Variants in ZNF536 observed in about 807,000 individuals in gnomAD.
ZNF536 encodes zinc finger protein 536.
Under a neutral mutation model 84.5 loss-of-function variants are expected in ZNF536, and 13 were observed. The ratio of observed to expected loss-of-function variants is 0.15; its 90% CI spans 0.10 to 0.24. The LOEUF is 0.24. ZNF536 is among the 10% of genes least tolerant of loss of function. The pLI is 1.00. For missense variants in ZNF536, 1,536 were observed against 1,747.5 expected (o/e 0.88, Z 2.16); for synonymous variants, 811 against 742.5 (o/e 1.09, Z -1.50).
chr19:30,420,930 G>T (rs2050929188), intron 1 of ZNF536, among the ~76,000 whole-genome samples: 1 of 152,164 alleles, frequency 6.6e-6, no homozygotes, highest in Non-Finnish European at 1.5e-5. Context: ...CGAATGCTTG[G>T]TTTGCATGTG....
Position 30,647,793 on chromosome 19 carries a change from G to T in ZNF536, c.170-62964G>T, listed in dbSNP as rs569083055. Reference sequence around the variant, plus strand: ...ACCAACTTTTAATCTGGGGCAGGGAGTGCTGACCCTTTGCTAGCGAAACTG... The same window carrying T: ...ACCAACTTTTAATCTGGGGCAGGGATTGCTGACCCTTTGCTAGCGAAACTG... On this transcript the variant is annotated intron_variant, in intron 1 of 1. Transcript: ENST00000592773. 3.3e-5 allele frequency among the ~76,000 whole-genome samples: 5 copies of T among 152,144 alleles called. No homozygotes were observed. In the East Asian group the frequency reaches 9.6e-4, roughly 29 times the overall value.
At chr19:30,700,172 C>CTTCTTTCTTTTCTTTCT (rs1454487076) in intron 1 of ZNF536, among the ~76,000 whole-genome samples, 8 of 139,608 alleles carry the variant, frequency 5.7e-5, no homozygotes, top group South Asian at 4.6e-4. Flanking sequence ...CTTTTCTTTC[C>CTTCTTTCTTTTCTTTCT]TTCTTTCTTT....
At chr19:30,452,165 T>G (rs2052637192) in intron 2 of ZNF536, among the ~76,000 whole-genome samples, 1 of 152,182 alleles carries the variant, frequency 6.6e-6, no homozygotes, top group African/African-American at 2.4e-5. Context: ...ATGCTTACCA[T>G]GCACTCAGGT....
At chr19:30,449,214 C>T (rs889830816) in intron 2 of ZNF536, among the ~76,000 whole-genome samples, 15 of 152,216 alleles carry the variant, frequency 9.9e-5, no homozygotes, top group Admixed American at 3.3e-4. Flanking sequence ...AATTTCACAC[C>T]GTGGTCAATG....
intron 2 of ZNF536, among the ~76,000 whole-genome samples, chr19:30,485,268 G>A (rs936864215): frequency 4.6e-5 from 7 of 152,112 alleles, no homozygotes; most frequent in Non-Finnish European, 8.8e-5. Context: ...TTTCCTTCAA[G>A]CCTCTAGCTA....
chr19:30,320,673 G>C (rs1027150294), intron 2 of ZNF536, among the ~76,000 whole-genome samples: 1 of 152,076 alleles, frequency 6.6e-6, no homozygotes, highest in African/African-American at 2.4e-5. Flanking sequence ...AGCGTACGTG[G>C]TATTTGGGAA....
At chr19:30,590,752 A>T (rs1043115955) in intron 1 of ZNF536, among the ~76,000 whole-genome samples, 2 of 152,124 alleles carry the variant, frequency 1.3e-5, no homozygotes, top group African/African-American at 4.8e-5. Context: ...CCAGCTGCAG[A>T]GTGAGAGGCT....
rs569804955 is a variant in ZNF536, at chr19:30,456,227, A to G, written c.2170+10495A>G. 1.1e-4 allele frequency among the ~76,000 whole-genome samples: 16 copies of G among 152,028 alleles called. No individual in the cohort carries two copies. The South Asian group carries it at 2.9e-3, about 28-fold the overall frequency. On this transcript the variant is annotated intron_variant, in intron 2 of 4. Coordinates refer to ENST00000355537, the MANE Select transcript of ZNF536 (RefSeq NM_014717.3). ...TGCACATGGAGGAAATGCTAGAAAGATGGAGAATCCAAGAAAAACTCTATA... is the reference window on the plus strand; with the variant it reads ...TGCACATGGAGGAAATGCTAGAAAGGTGGAGAATCCAAGAAAAACTCTATA...
At chr19:30,701,314 GACAC>G (rs1404861298) in intron 1 of ZNF536, among the ~76,000 whole-genome samples, 22 of 127,166 alleles carry the variant, frequency 1.7e-4, no homozygotes, top group African/African-American at 6.1e-4. Flanking sequence ...AACACACACA[GACAC>G]ACACAAACAC....
chr19:30,359,813 C>T (rs2048216329), intron 3 of ZNF536, among the ~76,000 whole-genome samples: 1 of 152,176 alleles, frequency 6.6e-6, no homozygotes, highest in East Asian at 1.9e-4. Context: ...GGTGGAGGTC[C>T]TGATCCTTCA....
chr19:30,363,045 C>T (rs1020738119), intron 3 of ZNF536, among the ~76,000 whole-genome samples: 5 of 150,690 alleles, frequency 3.3e-5, no homozygotes, highest in East Asian at 1.9e-4. Context: ...GGCAACGCAG[C>T]GAGACTCCAT....
intron 2 of ZNF536, among the ~76,000 whole-genome samples, chr19:30,316,605 G>T (rs1293795954): frequency 1.3e-5 from 2 of 152,182 alleles, no homozygotes; most frequent in African/African-American, 4.8e-5. Flanking sequence ...GATAGGGTAG[G>T]GGAGGGTTGG....
intron 1 of ZNF536, among the ~76,000 whole-genome samples, chr19:30,236,932 A>G (rs1004196740): frequency 1.3e-5 from 2 of 152,174 alleles, no homozygotes; most frequent in African/African-American, 4.8e-5. Flanking sequence ...CATCTTCCAA[A>G]TGCTTCCTGA....
At chr19:30,632,808 G>C (rs2048939413) in intron 1 of ZNF536, among the ~76,000 whole-genome samples, 1 of 152,192 alleles carries the variant, frequency 6.6e-6, no homozygotes, top group Admixed American at 6.5e-5. Context: ...TTTTATTCTT[G>C]AGAGACACAG....
At chr19:30,664,231 T>C (rs866506913) in intron 1 of ZNF536, among the ~76,000 whole-genome samples, 8 of 141,614 alleles carry the variant, frequency 5.6e-5, no homozygotes, top group South Asian at 4.7e-4. Flanking sequence ...TCTCTCTCTC[T>C]CTCTCTCTCT....
chr19:30,322,428 G>A (rs901264017), intron 2 of ZNF536, among the ~76,000 whole-genome samples: 2 of 152,112 alleles, frequency 1.3e-5, no homozygotes, highest in Non-Finnish European at 2.9e-5. Flanking sequence ...CACTGTGCTT[G>A]TCCATCCTGC....
rs1321555381 is a variant in ZNF536 at position 30,389,153 on chromosome 19, G to A, written c.-3+16597G>A. ...CCCCTAGTGTGAGTTCACCCAGTCC[G>A]CACACGTTCCACGTGCCTCCACGAA... On this transcript the variant is annotated intron_variant, in intron 1 of 4. Transcript: ENST00000355537. 3.9e-5 allele frequency among the ~76,000 whole-genome samples: 6 copies of A among 152,124 alleles called. No individual in the cohort carries two copies. The East Asian group carries it at 7.7e-4, about 20-fold the overall frequency.
intron 2 of ZNF536, among the ~76,000 whole-genome samples, chr19:30,311,153 G>T (rs1478486307): frequency 6.6e-6 from 1 of 152,160 alleles, no homozygotes; most frequent in South Asian, 2.1e-4. Flanking sequence ...CTCTAGAGGG[G>T]CCTCTCTGTG....
intron 2 of ZNF536, among the ~76,000 whole-genome samples, chr19:30,503,039 C>T (rs762277298): frequency 6.6e-6 from 1 of 152,130 alleles, no homozygotes; most frequent in Non-Finnish European, 1.5e-5. Flanking sequence ...ACAGGTTTTA[C>T]CTTTATTCAT....
Sources: allele counts gnomAD v4.1 joint callset (sites outside exome capture counted in the v4.1 genomes callset), GRCh38; gene constraint gnomAD v4.1.1; transcripts MANE v1.5; gene names NCBI Gene and HGNC (gene_info 2026-07-23, HGNC 2026-07-21).